Variants in ANKRD17 observed in about 807,000 individuals in gnomAD.
ANKRD17 encodes the protein ankyrin repeat domain-containing protein 17.
Under a neutral mutation model 229.7 loss-of-function variants are expected in ANKRD17, and 19 were observed. That is an observed-to-expected ratio of 0.08 (90% CI 0.06 to 0.12). The LOEUF is 0.12. ANKRD17 is among the 10% of genes least tolerant of loss of function. ANKRD17 has a pLI of 1.00. For synonymous variants in ANKRD17, 1,112 were observed against 1,146.1 expected (o/e 0.97, Z 0.60); for missense variants, 2,176 against 3,176.8 (o/e 0.68, Z 7.57).
chr4:73,174,453 T>C (rs1734468834), intron 2 of ANKRD17, among the ~76,000 whole-genome samples: 1 of 152,202 alleles, frequency 6.6e-6, no homozygotes, highest in Non-Finnish European at 1.5e-5. Flanking sequence ...AAAAGCCATC[T>C]ATGACAAACC....
chr4:73,185,515 G>A (rs1292730919), intron 1 of ANKRD17, among the ~76,000 whole-genome samples: 1 of 151,880 alleles, frequency 6.6e-6, no homozygotes, highest in Non-Finnish European at 1.5e-5. Context: ...AAAATTTTAA[G>A]ATCTCTTAAT....
chr4:73,238,550 C>T (rs568919082), intron 1 of ANKRD17, among the ~76,000 whole-genome samples: 2 of 152,236 alleles, frequency 1.3e-5, no homozygotes, highest in Non-Finnish European at 2.9e-5. Context: ...TATTAACTAG[C>T]TACATTCAGG....
chr4:73,204,784 G>A (rs1739230599), intron 1 of ANKRD17, among the ~76,000 whole-genome samples: 1 of 152,154 alleles, frequency 6.6e-6, no homozygotes, highest in African/African-American at 2.4e-5. Flanking sequence ...TTTTCGGGAA[G>A]TGGTATTATA....
chr4:73,248,212 C>T (rs561948654), intron 1 of ANKRD17, among the ~76,000 whole-genome samples: 7 of 151,958 alleles, frequency 4.6e-5, no homozygotes, highest in African/African-American at 1.7e-4. Flanking sequence ...CTAGAAAAAT[C>T]GTACATACAG....
At position 73,147,323 on chromosome 4, in the gene ANKRD17, A is replaced by T. The variant is rs1297598628; in HGVS notation, c.1677T>A (p.Asp559Glu). 1 of 1,610,308 alleles carries T rather than the reference A, an allele frequency of 6.2e-7. No homozygotes were observed. The highest frequency in any genetic ancestry group is 1.7e-5 in the Admixed American group (1 of 59,668). ...AAGGGGTAGAACACCCTAGTTCTAT[A>T]TCGGCTCCTGCCTTAATTAGAAAGT... is the stretch of plus-strand genomic sequence containing the variant. Reference protein sequence around the residue: ...VADFLIKAGADIELGCSTPLM... With the variant: ...VADFLIKAGAEIELGCSTPLM... The change falls in exon 9 of 34, where the codon GAT becomes GAA. Residue 559 changes from aspartate to glutamate, a missense_variant. By Grantham distance (45) the Asp-to-Glu change is conservative (BLOSUM62 2). Coordinates refer to ENST00000358602, the MANE Select transcript of ANKRD17 (RefSeq NM_032217.5).
intron 7 of ANKRD17, among the ~76,000 whole-genome samples, chr4:73,150,016 C>T (rs1280948030): frequency 1.3e-5 from 2 of 152,150 alleles, no homozygotes; most frequent in African/African-American, 2.4e-5. Context: ...ATCTCCCAGA[C>T]ATATTCTTTC....
At chr4:73,237,620 G>A (rs554502400) in intron 1 of ANKRD17, among the ~76,000 whole-genome samples, 1 of 152,130 alleles carries the variant, frequency 6.6e-6, no homozygotes. Context: ...AAGGTCCTGA[G>A]ATTTAGAAAA....
chr4:73,222,409 C>T (rs1431956540), intron 1 of ANKRD17, among the ~76,000 whole-genome samples: 1 of 151,988 alleles, frequency 6.6e-6, no homozygotes, highest in Non-Finnish European at 1.5e-5. Context: ...CATCAGTGCC[C>T]TAAATTTCAG....
chr4:73,198,488 T>C (rs1344876852), intron 1 of ANKRD17, among the ~76,000 whole-genome samples: 1 of 152,176 alleles, frequency 6.6e-6, no homozygotes, highest in Non-Finnish European at 1.5e-5. Context: ...GTAACTTGTC[T>C]ATATGGTATG....
At chr4:73,154,139 G>C (rs775058561) in intron 5 of ANKRD17, 26 bp from the exon 6 acceptor site, 1 of 1,479,784 alleles carries the variant, frequency 6.8e-7, no homozygotes, top group Non-Finnish European at 9.0e-7. Flanking sequence ...AAAATAAAAA[G>C]ACATTAACAT....
chr4:73,193,499 T>C (rs1042949523), intron 1 of ANKRD17, among the ~76,000 whole-genome samples: 2 of 152,240 alleles, frequency 1.3e-5, no homozygotes, highest in Non-Finnish European at 2.9e-5. Flanking sequence ...CTACATATTC[T>C]CACTAGCTTT....
At position 73,140,093 on chromosome 4, in the gene ANKRD17, G is replaced by C; in HGVS notation, c.2523C>G (p.Asp841Glu). Residue 841 changes from aspartate (D) to glutamate (E), a missense_variant, in exon 15 of 34, where the codon GAC (aspartate) becomes GAG (glutamate). Asp to Glu is a conservative substitution (Grantham distance 45). Transcript: ENST00000358602. ...QLQSLELAHA[D>E]QLTKEKIEEL... Reference sequence around the variant, plus strand: ...CCTCGATCTTCTCCTTGGTAAGTTGGTCAGCATGAGCCAGTTCCAAGGACT... The same window carrying C: ...CCTCGATCTTCTCCTTGGTAAGTTGCTCAGCATGAGCCAGTTCCAAGGACT... 1 of 1,614,086 alleles carries C rather than the reference G, an allele frequency of 6.2e-7. No individual in the cohort carries two copies. The highest frequency in any genetic ancestry group is 8.5e-7 in the Non-Finnish European group (1 of 1,180,022).
At chr4:73,151,708 C>T (rs545615642) in intron 6 of ANKRD17, among the ~76,000 whole-genome samples, 184 bp from the exon 7 acceptor site, 3 of 152,164 alleles carry the variant, frequency 2.0e-5, no homozygotes, top group Admixed American at 1.3e-4. Context: ...GCTGTTCTAC[C>T]CCTTACCCTA....
At chr4:73,244,173 C>A (rs1744281384) in intron 1 of ANKRD17, among the ~76,000 whole-genome samples, 1 of 152,118 alleles carries the variant, frequency 6.6e-6, no homozygotes, top group African/African-American at 2.4e-5. Flanking sequence ...CTCATATGAC[C>A]TGATTGAACC....
intron 19 of ANKRD17, 124 bp downstream of exon 19, chr4:73,121,493 C>A: frequency 1.7e-6 from 2 of 1,202,230 alleles, no homozygotes; most frequent in Non-Finnish European, 2.4e-6. Context: ...AAATCTCTAA[C>A]ACTTTGAATG....
At chr4:73,239,179 G>T (rs1005589231) in intron 1 of ANKRD17, among the ~76,000 whole-genome samples, 3 of 152,172 alleles carry the variant, frequency 2.0e-5, no homozygotes, top group Admixed American at 6.5e-5. Context: ...CTTGAAAGCT[G>T]ATGTTTGACC....
At position 73,218,067 on chromosome 4, in the gene ANKRD17, G is replaced by A. The variant is rs143219823; in HGVS notation, c.393+40209C>T. Among the ~76,000 whole-genome samples, 381 of 152,222 alleles carry A rather than the reference G, an allele frequency of 2.5e-3. 2 individuals carry two copies. The highest frequency in any genetic ancestry group is 0.016 in the South Asian group (78 of 4,824). On this transcript the variant is annotated intron_variant, in intron 1 of 33. Transcript: ENST00000358602. ...ATTGTAGGTATGTGTATACACACGC[G>A]TATGCTGGTTTATAGGTAAAAATGA...
rs1017938533 is a variant in ANKRD17 at position 73,141,642 on chromosome 4, A to C, written c.2332+99T>G. ...ATGGGTTAAAAATTTAGTAATGCCA[A>C]CTTAGTAAACTTCTTTGTTTGTAGA... On this transcript the variant is annotated intron_variant, in intron 14 of 33. Transcript: ENST00000358602. The C allele has an allele frequency of 5.9e-6, 7 of 1,178,142 alleles. No homozygotes were observed. The African/African-American group carries it at 9.2e-5, about 16-fold the overall frequency. The allele number at this position is 1,178,142 out of a possible 1,614,324, so 73.0% of individuals were successfully genotyped here.
intron 1 of ANKRD17, among the ~76,000 whole-genome samples, chr4:73,217,019 G>A (rs1413813274): frequency 6.6e-6 from 1 of 152,194 alleles, no homozygotes; most frequent in Non-Finnish European, 1.5e-5. Context: ...ATCAGAATGA[G>A]CTGTTATCAA....
Sources: allele counts gnomAD v4.1 joint callset (sites outside exome capture counted in the v4.1 genomes callset), GRCh38; gene constraint gnomAD v4.1.1; transcripts MANE v1.5; gene names NCBI Gene and HGNC (gene_info 2026-07-23, HGNC 2026-07-21).